The following SYNE2 variants were observed in gnomAD, a reference collection of about 807,000 sequenced individuals.
SYNE2 encodes the protein spectrin repeat containing nuclear envelope protein 2.
Under a neutral mutation model 856.3 loss-of-function variants are expected in SYNE2, and 431 were observed. That is an observed-to-expected ratio of 0.50 (90% CI 0.47 to 0.55). The LOEUF (loss-of-function observed/expected upper bound fraction) is 0.55. Ranked by LOEUF, SYNE2 falls within the 20% of genes least tolerant of loss-of-function variation. The pLI is 0.00. For synonymous variants in SYNE2, 2,923 were observed against 2,872.3 expected (o/e 1.02, Z -0.56); for missense variants, 8,129 against 8,023.2 (o/e 1.01, Z -0.50).
At chr14:63,872,405 C>T (rs1387074810) in intron 1 of SYNE2, among the ~76,000 whole-genome samples, 2 of 149,268 alleles carry the variant, frequency 1.3e-5, no homozygotes, top group Admixed American at 1.4e-4. Context: ...GCACTCCACA[C>T]CCTGGTGACA....
At chr14:64,146,405 T>A (rs570936184) in intron 84 of SYNE2, among the ~76,000 whole-genome samples, 182 bp downstream of exon 84, 1 of 152,342 alleles carries the variant, frequency 6.6e-6, no homozygotes, top group East Asian at 1.9e-4. Flanking sequence ...AAGTGCCGTT[T>A]TTTATGATAA....
intron 1 of SYNE2, among the ~76,000 whole-genome samples, chr14:63,825,747 C>T (rs1271604117): frequency 5.9e-5 from 9 of 151,942 alleles, no homozygotes; most frequent in East Asian, 3.9e-4. Flanking sequence ...TGGTGGCGGG[C>T]GCCTGTAATC....
chr14:63,870,907 G>A (rs558286429), intron 1 of SYNE2, among the ~76,000 whole-genome samples: 46 of 152,026 alleles, frequency 3.0e-4, no homozygotes, highest in Admixed American at 5.2e-4. Context: ...CTAGTCCAGG[G>A]GCATAAACAG....
In SYNE2 at chr14:63,860,922, C is replaced by T. The variant is rs137971222; in HGVS notation, c.-52+7779C>T. Among the ~76,000 whole-genome samples the T allele has an allele frequency of 8.8e-4, 134 of 152,190 alleles. 1 individual carries two copies. The highest frequency in any genetic ancestry group is 3.4e-3 in the Middle Eastern group (1 of 294). ...CAGGGCAAAGCATGGTCAGCTGGAG[C>T]AGTGGTTCTCAAAGTAGGGTCCAGG... On this transcript the variant is annotated intron_variant, in intron 1 of 115. Transcript: ENST00000555002.
chr14:63,983,674 G>T (rs2096603569), intron 17 of SYNE2, 63 bp from the exon 18 acceptor site: 1 of 1,344,446 alleles, frequency 7.4e-7, no homozygotes, highest in South Asian at 1.2e-5. Context: ...CTTACTGTTT[G>T]TAATGTATAT....
At chr14:63,990,231 A>T (rs765507021) in intron 19 of SYNE2, among the ~76,000 whole-genome samples, 180 bp from the exon 20 acceptor site, 3 of 152,202 alleles carry the variant, frequency 2.0e-5, no homozygotes, top group Non-Finnish European at 4.4e-5. Flanking sequence ...ACATGTTCAG[A>T]ATCTGATTGT....
chr14:64,179,040 A>G (rs550281846), intron 96 of SYNE2, among the ~76,000 whole-genome samples: 2 of 152,278 alleles, frequency 1.3e-5, no homozygotes, highest in South Asian at 4.1e-4. Context: ...ATGCACCACT[A>G]TGCTCCACCC....
At chr14:64,075,759 TAGAA>T (rs1472437813) in intron 53 of SYNE2, 182 bp from the exon 54 acceptor site, 3 of 598,636 alleles carry the variant, frequency 5.0e-6, no homozygotes, top group African/African-American at 1.9e-5. Flanking sequence ...TCTTACAAAT[TAGAA>T]AGCATCATCT....
At chr14:64,075,637 C>A in intron 53 of SYNE2, 1 of 183,450 alleles carries the variant, frequency 5.5e-6, no homozygotes. Flanking sequence ...CTTTTTAGAT[C>A]AGGACTGCAA....
In SYNE2 at chr14:63,949,929, A is replaced by G; in HGVS notation, c.513A>G (p.Lys171=). The G allele has an allele frequency of 6.2e-7, 1 of 1,614,172 alleles. No homozygotes were observed. The highest frequency in any genetic ancestry group is 1.1e-5 in the South Asian group (1 of 91,082). The change falls in exon 7 of 116, where the codon AAA becomes AAG. Residue 171 remains lysine (K), a synonymous_variant. Coordinates refer to ENST00000555002, the MANE Select transcript of SYNE2 (RefSeq NM_182914.3). The stretch of plus-strand genomic sequence containing the variant: ...CTGCCTCAAGTCCTCCAGCTAAGAA[A>G]TGCTCTAAAGTGCAAGCAAGATGGC... The part of the protein sequence containing the change: ...SSPASSPPAK[K]CSKVQARWQM...
At chr14:63,921,685 G>C (rs2095603069) in intron 2 of SYNE2, among the ~76,000 whole-genome samples, 1 of 152,132 alleles carries the variant, frequency 6.6e-6, no homozygotes. Flanking sequence ...TAGTGTTTGG[G>C]GCAGCCCGAA....
chr14:64,153,860 C>G (rs906221417), intron 85 of SYNE2, among the ~76,000 whole-genome samples: 1 of 152,038 alleles, frequency 6.6e-6, no homozygotes, highest in East Asian at 1.9e-4. Flanking sequence ...AATTGAGAGT[C>G]CAGAAATAAG....
rs755249389 is a variant in SYNE2 at position 64,017,715 on chromosome 14, G to T, written c.5008G>T (p.Glu1670Ter). The T allele has an allele frequency of 6.2e-7, 1 of 1,613,716 alleles. No homozygotes were observed. Among genetic ancestry groups the T allele is most frequent in the Non-Finnish European group, 8.5e-7 (1 of 1,179,806 alleles). ...GACAGAAAAGGCCCTTCAAAAAATG[G>T]AATTACATCAATTGACTGAAGAGGA... ...EWTEKALQKM[E>*]LHQLTEEDRE... The change falls in exon 34 of 116, where the codon GAA becomes TAA. Residue 1670 changes from glutamate (E) to a stop codon, truncating the protein, a stop_gained. Transcript: ENST00000555002. LOFTEE classifies it high-confidence loss of function.
chr14:63,879,929 G>C (rs1039939215), intron 1 of SYNE2, among the ~76,000 whole-genome samples: 1 of 152,152 alleles, frequency 6.6e-6, no homozygotes, highest in Non-Finnish European at 1.5e-5. Flanking sequence ...GTTAGGTTTA[G>C]TCTTTTCATT....
chr14:63,883,581 C>T (rs752231718), intron 1 of SYNE2, among the ~76,000 whole-genome samples: 1 of 152,160 alleles, frequency 6.6e-6, no homozygotes, highest in Non-Finnish European at 1.5e-5. Flanking sequence ...GTCTTGAACT[C>T]CTGGGCTCAA....
chr14:64,114,221 C>T (rs777089925), intron 66 of SYNE2, among the ~76,000 whole-genome samples: 8 of 152,206 alleles, frequency 5.3e-5, no homozygotes, highest in Non-Finnish European at 8.8e-5. Flanking sequence ...TAAAGCTTGC[C>T]GGCTCAGCCC....
At chr14:64,192,612 A>T (rs555056019) in intron 99 of SYNE2, among the ~76,000 whole-genome samples, 5 of 152,226 alleles carry the variant, frequency 3.3e-5, no homozygotes, top group Non-Finnish European at 7.3e-5. Flanking sequence ...ATTCTTAACA[A>T]TATGCCTTTT....
chr14:63,955,310 C>G (rs2096227629), intron 8 of SYNE2, among the ~76,000 whole-genome samples: 1 of 152,124 alleles, frequency 6.6e-6, no homozygotes, highest in East Asian at 1.9e-4. Flanking sequence ...AGCTGAACCT[C>G]TGTGAGAACA....
intron 108 of SYNE2, among the ~76,000 whole-genome samples, chr14:64,217,260 G>A (rs554359119): frequency 1.4e-5 from 2 of 147,726 alleles, no homozygotes; most frequent in African/African-American, 5.3e-5. Flanking sequence ...AGAAGTAATG[G>A]TCGTGATTAT....
Sources: gnomAD v4.1 joint callset for allele counts (sites outside exome capture counted in the v4.1 genomes callset) on GRCh38, gnomAD v4.1.1 for gene constraint, MANE v1.5 for transcripts, NCBI Gene and HGNC (gene_info 2026-07-23, HGNC 2026-07-21) for gene names.